Variants in ATP2B4 observed in about 807,000 individuals in gnomAD.
The protein encoded by ATP2B4 is ATPase plasma membrane Ca2+ transporting 4.
Under a neutral mutation model 110.3 loss-of-function variants are expected in ATP2B4, and 39 were observed. The ratio of observed to expected loss-of-function variants is 0.35; its 90% CI spans 0.27 to 0.46. ATP2B4 has a LOEUF of 0.46. Ranked by LOEUF, ATP2B4 falls within the 20% of genes least tolerant of loss-of-function variation. The pLI is 1.00. For missense variants in ATP2B4, 1,135 were observed against 1,530.9 expected (o/e 0.74, Z 4.32); for synonymous variants, 538 against 571.7 (o/e 0.94, Z 0.84).
Position 203,687,205 on chromosome 1 carries a change from T to C in ATP2B4, c.193+3807T>C, listed in dbSNP as rs2886489. Among the ~76,000 whole-genome samples, 951 of 147,814 alleles carry C rather than the reference T, an allele frequency of 6.4e-3. 9 individuals carry two copies. The highest frequency in any genetic ancestry group is 0.022 in the African/African-American group (895 of 39,868). The stretch of plus-strand genomic sequence containing the variant: ...TTAGTCCCCAGTACCAACAGTGACG[T>C]CCTAGTGTGTAAGAAGAATAAAGAG... On this transcript the variant is annotated intron_variant, in intron 2 of 20. Coordinates refer to ENST00000357681, the MANE Select transcript of ATP2B4 (RefSeq NM_001684.5).
intron 1 of ATP2B4, among the ~76,000 whole-genome samples, chr1:203,631,523 C>T (rs1270421528): frequency 6.6e-6 from 1 of 152,162 alleles, no homozygotes; most frequent in Non-Finnish European, 1.5e-5. Flanking sequence ...TAGAACACCT[C>T]ATGGCAAGGT....
At chr1:203,675,659 T>G (rs4951358) in intron 1 of ATP2B4, among the ~76,000 whole-genome samples, 1 of 151,880 alleles carries the variant, frequency 6.6e-6, no homozygotes, top group East Asian at 1.9e-4. Context: ...CTACCTTTTT[T>G]GGTGGAATTG....
chr1:203,738,098 C>T (rs748193596), intron 20 of ATP2B4, among the ~76,000 whole-genome samples: 17 of 152,060 alleles, frequency 1.1e-4, no homozygotes, highest in Admixed American at 2.0e-4. Context: ...GGTACCCTAC[C>T]CCCACCTTCA....
At chr1:203,707,360 G>T in intron 9 of ATP2B4, 137 bp downstream of exon 9, 1 of 739,758 alleles carries the variant, frequency 1.4e-6, no homozygotes, top group Non-Finnish European at 2.1e-6. Context: ...AGAAGTCCCT[G>T]GTATTATGGA....
At chr1:203,670,224 CT>C (rs34263864) in intron 1 of ATP2B4, among the ~76,000 whole-genome samples, 40,248 of 151,354 alleles carry the variant, frequency 0.27, 7,119 homozygotes, top group African/African-American at 0.5. Flanking sequence ...GTCACCCAGG[CT>C]TGGAGTGCAG....
intron 1 of ATP2B4, among the ~76,000 whole-genome samples, chr1:203,662,509 G>A (rs1020830886): frequency 1.3e-5 from 2 of 152,094 alleles, no homozygotes; most frequent in Non-Finnish European, 2.9e-5. Context: ...TCTACTTCCT[G>A]TCTCTATGAA....
intron 15 of ATP2B4, among the ~76,000 whole-genome samples, chr1:203,714,679 A>C (rs1666109750): frequency 6.6e-6 from 1 of 152,216 alleles, no homozygotes; most frequent in South Asian, 2.1e-4. Context: ...TTCATGTGAA[A>C]TCACATGTTC....
intron 1 of ATP2B4, among the ~76,000 whole-genome samples, chr1:203,641,095 C>G (rs562775268): frequency 6.6e-6 from 1 of 152,118 alleles, no homozygotes; most frequent in African/African-American, 2.4e-5. Flanking sequence ...GAAGTGTAGC[C>G]CCTCTGTGAG....
At chr1:203,632,348 ATT>A (rs35479403) in intron 1 of ATP2B4, among the ~76,000 whole-genome samples, 1 of 142,608 alleles carries the variant, frequency 7.0e-6, no homozygotes, top group African/African-American at 2.6e-5. Context: ...GAAGTAAGAA[ATT>A]TTTTTTTTTT....
At chr1:203,653,793 G>A in intron 1 of ATP2B4, among the ~76,000 whole-genome samples, 1 of 152,108 alleles carries the variant, frequency 6.6e-6, no homozygotes, top group East Asian at 1.9e-4. Context: ...CTGACCTCAA[G>A]TGACCCGCCC....
rs955806275 is a variant in ATP2B4 at position 203,724,870 on chromosome 1, T to C, written c.3132+882T>C. The stretch of plus-strand genomic sequence containing the variant: ...CTGGGTTTGAATCCAGCTCTCTGTT[T>C]TTTTTTTTTTTTTTTTTTTTTTCTG... On this transcript the variant is annotated intron_variant, in intron 19 of 20. Transcript: ENST00000357681. Among the ~76,000 whole-genome samples, 7 of 138,152 alleles carry C rather than the reference T, an allele frequency of 5.1e-5. 1 individual carries two copies. Among genetic ancestry groups the C allele is most frequent in the East Asian group, 2.1e-4 (1 of 4,672 alleles). The allele number at this position is 138,152 out of a possible 152,430, so 90.6% of individuals were successfully genotyped here. A position where few individuals can be genotyped will look rare whatever the true frequency, so the allele number is the denominator to read the frequency against.
At chr1:203,634,912 C>T (rs905274732) in intron 1 of ATP2B4, among the ~76,000 whole-genome samples, 8 of 152,198 alleles carry the variant, frequency 5.3e-5, no homozygotes, top group Admixed American at 4.6e-4. Context: ...AATCCACCTG[C>T]TTCAGCTTCC....
chr1:203,668,679 G>A (rs1336870097), intron 1 of ATP2B4, among the ~76,000 whole-genome samples: 1 of 152,196 alleles, frequency 6.6e-6, no homozygotes, highest in Non-Finnish European at 1.5e-5. Context: ...TGGGTCCTGG[G>A]TTGGTGCTGG....
chr1:203,717,828 G>C (rs1397888011), intron 15 of ATP2B4, among the ~76,000 whole-genome samples: 1 of 151,868 alleles, frequency 6.6e-6, no homozygotes, highest in South Asian at 2.1e-4. Flanking sequence ...ATTTTTAGTA[G>C]AGATGGGGTT....
intron 2 of ATP2B4, among the ~76,000 whole-genome samples, chr1:203,693,458 G>A (rs1665443043): frequency 6.6e-6 from 1 of 152,096 alleles, no homozygotes; most frequent in Non-Finnish European, 1.5e-5. Context: ...ACTTAAGGTG[G>A]AACACATAGA....
At chr1:203,729,544 C>CAAAA (rs5780193) in intron 20 of ATP2B4, 24 of 351,536 alleles carry the variant, frequency 6.8e-5, no homozygotes, top group African/African-American at 2.5e-4. Context: ...GACTCTGTCT[C>CAAAA]AAAAAAAAAA....
At chr1:203,714,793 G>C (rs1219723027) in intron 15 of ATP2B4, among the ~76,000 whole-genome samples, 1 of 152,066 alleles carries the variant, frequency 6.6e-6, no homozygotes, top group Non-Finnish European at 1.5e-5. Context: ...GAAAGGTTTA[G>C]AAGCCCCCCA....
Position 203,713,100 on chromosome 1 carries a change from A to G in ATP2B4, c.2212-65A>G, listed in dbSNP as rs1666059821. The G allele has an allele frequency of 1.9e-5, 29 of 1,557,198 alleles. No individual in the cohort carries two copies. The South Asian group carries it at 3.2e-4, about 17-fold the overall frequency. On this transcript the variant is annotated intron_variant, in intron 13 of 20. Transcript: ENST00000357681. ...CCCAGTGACTCCAAGTGTATGGAGA[A>G]GTTAAGATTTTCCTGGATAGCTTTT...
At chr1:203,710,851 C>T (rs759564246) in intron 11 of ATP2B4, 26 bp from the exon 12 acceptor site, 14 of 1,533,778 alleles carry the variant, frequency 9.1e-6, no homozygotes, top group South Asian at 5.7e-5. Flanking sequence ...AGGGAGACAC[C>T]GCGTTCTTAC....
Sources: gnomAD v4.1 joint callset for allele counts (sites outside exome capture counted in the v4.1 genomes callset) on GRCh38, gnomAD v4.1.1 for gene constraint, MANE v1.5 for transcripts, NCBI Gene and HGNC (gene_info 2026-07-23, HGNC 2026-07-21) for gene names.